The following BMAL2 variants were observed in gnomAD, a reference collection of about 807,000 sequenced individuals.
BMAL2 encodes the protein basic helix-loop-helix ARNT like 2.
chr12:27,400,514 T>C, the BMAL2 span: 1 of 1,536,918 alleles, frequency 6.5e-7, no homozygotes, highest in African/African-American at 1.4e-5. Context: ...AAATGTCCTT[T>C]TTAAAAATCT....
chr12:27,372,104 G>A, the BMAL2 span, among the ~76,000 whole-genome samples: 3 of 152,098 alleles, frequency 2.0e-5, no homozygotes, highest in South Asian at 6.2e-4. Flanking sequence ...GGCGGCATGC[G>A]CCTGTAGTCC....
At chr12:27,418,810 T>G in the BMAL2 span, among the ~76,000 whole-genome samples, 2 of 152,034 alleles carry the variant, frequency 1.3e-5, no homozygotes, top group Non-Finnish European at 2.9e-5. Context: ...AAACCCTATC[T>G]GTACTGAAAA....
the BMAL2 span, among the ~76,000 whole-genome samples, chr12:27,383,985 C>T: frequency 7.2e-5 from 11 of 152,146 alleles, no homozygotes; most frequent in Non-Finnish European, 1.2e-4. Context: ...CAGATCCGTC[C>T]GAGGGCCAAT....
the BMAL2 span, among the ~76,000 whole-genome samples, chr12:27,363,666 T>C: frequency 6.6e-6 from 1 of 152,228 alleles, no homozygotes; most frequent in Non-Finnish European, 1.5e-5. Flanking sequence ...GTCATTGGTC[T>C]TTTTCTTATT....
the BMAL2 span, among the ~76,000 whole-genome samples, chr12:27,395,820 C>T: frequency 6.6e-6 from 1 of 152,166 alleles, no homozygotes; most frequent in Non-Finnish European, 1.5e-5. Flanking sequence ...TTTTGAGTTG[C>T]TCTAATGTTC....
the BMAL2 span, chr12:27,380,345 G>A: frequency 1.2e-5 from 19 of 1,614,024 alleles, no homozygotes; most frequent in Middle Eastern, 1.6e-4. Flanking sequence ...CCCATGGCGC[G>A]TAAACTGGAC....
chr12:27,407,623 T>A, the BMAL2 span, among the ~76,000 whole-genome samples: 8,352 of 152,080 alleles, frequency 0.055, 322 homozygotes, highest in Middle Eastern at 0.099. Context: ...TAGCACTAAA[T>A]GCCCACAAGA....
the BMAL2 span, among the ~76,000 whole-genome samples, chr12:27,350,578 C>G: frequency 2.0e-5 from 3 of 152,214 alleles, no homozygotes; most frequent in African/African-American, 7.2e-5. Flanking sequence ...GTTTAGAAAA[C>G]AAGAAGGGCT....
At chr12:27,373,288 C>G in the BMAL2 span, among the ~76,000 whole-genome samples, 7,023 of 152,126 alleles carry the variant, frequency 0.046, 544 homozygotes, top group African/African-American at 0.16. Context: ...CGTTTTCTGA[C>G]TTGGGCTCCT....
chr12:27,406,806 TAA>T, the BMAL2 span, among the ~76,000 whole-genome samples: 1 of 152,148 alleles, frequency 6.6e-6, no homozygotes, highest in Non-Finnish European at 1.5e-5. Context: ...GCAAATTGTA[TAA>T]AGAGTCAAGA....
chr12:27,361,976 G>A, the BMAL2 span, among the ~76,000 whole-genome samples: 3 of 152,008 alleles, frequency 2.0e-5, no homozygotes, highest in African/African-American at 7.2e-5. Flanking sequence ...AGGTTAATAA[G>A]GAAGTAGGAT....
chr12:27,346,129 GTCCGAA>G, the BMAL2 span, among the ~76,000 whole-genome samples: 1 of 152,122 alleles, frequency 6.6e-6, no homozygotes, highest in Non-Finnish European at 1.5e-5. Context: ...TTAACTGCTT[GTCCGAA>G]TCCAACTCAT....
the BMAL2 span, among the ~76,000 whole-genome samples, chr12:27,365,938 AT>A: frequency 6.6e-6 from 1 of 151,552 alleles, no homozygotes; most frequent in African/African-American, 2.4e-5. Flanking sequence ...TACTTATTAT[AT>A]TTCAATTTTT....
the BMAL2 span, among the ~76,000 whole-genome samples, chr12:27,403,221 G>A: frequency 6.6e-6 from 1 of 152,194 alleles, no homozygotes; most frequent in Non-Finnish European, 1.5e-5. Context: ...AGAGACTGGA[G>A]TCAAGGGTTA....
the BMAL2 span, among the ~76,000 whole-genome samples, chr12:27,414,235 T>C: frequency 6.6e-6 from 1 of 152,208 alleles, no homozygotes; most frequent in Non-Finnish European, 1.5e-5. Flanking sequence ...ACAATATTAG[T>C]AGGGGACCTC....
chr12:27,378,375 T>C, the BMAL2 span, among the ~76,000 whole-genome samples: 1 of 152,180 alleles, frequency 6.6e-6, no homozygotes, highest in Non-Finnish European at 1.5e-5. Context: ...CATGTAGTAG[T>C]CAGAGAAAGC....
the BMAL2 span, chr12:27,380,365 G>C: frequency 2.5e-6 from 4 of 1,614,080 alleles, no homozygotes; most frequent in African/African-American, 5.3e-5. Flanking sequence ...CAAACTTACA[G>C]TTTTAAGAAT....
the BMAL2 span, among the ~76,000 whole-genome samples, chr12:27,378,855 G>T: frequency 1.3e-5 from 2 of 152,112 alleles, no homozygotes; most frequent in Admixed American, 1.3e-4. Flanking sequence ...ACATATTTAA[G>T]AAATATTTTA....
the BMAL2 span, among the ~76,000 whole-genome samples, chr12:27,414,870 TTAGC>T: frequency 3.9e-5 from 6 of 152,066 alleles, no homozygotes; most frequent in Non-Finnish European, 8.8e-5. Flanking sequence ...TGATAAACCA[TTAGC>T]TAGACTAAGA....
Sources: allele counts gnomAD v4.1 joint callset (sites outside exome capture counted in the v4.1 genomes callset), GRCh38; gene constraint gnomAD v4.1.1; transcripts MANE v1.5; gene names NCBI Gene and HGNC (gene_info 2026-07-23, HGNC 2026-07-21).